RALGAPA2: variants seen among roughly 807,000 people sequenced by gnomAD.
RALGAPA2 encodes the protein Ral GTPase activating protein catalytic subunit alpha 2.
A neutral mutation model predicts 230.4 loss-of-function variants in RALGAPA2; 139 were observed. The ratio of observed to expected loss-of-function variants is 0.60; its 90% CI spans 0.53 to 0.69. The LOEUF (loss-of-function observed/expected upper bound fraction) is 0.69. Ranked by LOEUF, RALGAPA2 falls within the 30% of genes least tolerant of loss-of-function variation. The pLI, the probability that RALGAPA2 is intolerant of heterozygous loss-of-function variation, is 0.00. For missense variants in RALGAPA2, 2,163 were observed against 2,276.0 expected (o/e 0.95, Z 1.01); for synonymous variants, 847 against 837.8 (o/e 1.01, Z -0.19).
intron 24 of RALGAPA2, among the ~76,000 whole-genome samples, chr20:20,537,262 G>A (rs1310134233): frequency 6.6e-6 from 1 of 152,108 alleles, no homozygotes; most frequent in Non-Finnish European, 1.5e-5. Flanking sequence ...AATATAATGA[G>A]ATACTATATC....
intron 37 of RALGAPA2, among the ~76,000 whole-genome samples, chr20:20,449,254 C>T (rs1287621923): frequency 6.6e-6 from 1 of 152,200 alleles, no homozygotes; most frequent in African/African-American, 2.4e-5. Context: ...AGAAGACCAA[C>T]ATGCATGGAA....
chr20:20,412,556 A>G (rs1214847523), intron 37 of RALGAPA2, among the ~76,000 whole-genome samples: 1 of 152,216 alleles, frequency 6.6e-6, no homozygotes, highest in Non-Finnish European at 1.5e-5. Flanking sequence ...TGATACTTCA[A>G]GCAACTTGGT....
At chr20:20,707,149 T>A (rs1468451019) in intron 1 of RALGAPA2, among the ~76,000 whole-genome samples, 1 of 152,126 alleles carries the variant, frequency 6.6e-6, no homozygotes, top group African/African-American at 2.4e-5. Flanking sequence ...ACTCCTATTA[T>A]CCCAAATACC....
At chr20:20,538,317 A>G (rs553936133) in intron 24 of RALGAPA2, among the ~76,000 whole-genome samples, 24 of 152,220 alleles carry the variant, frequency 1.6e-4, no homozygotes, top group Non-Finnish European at 3.1e-4. Flanking sequence ...AACTACTGCT[A>G]AGGGCCACAG....
intron 32 of RALGAPA2, among the ~76,000 whole-genome samples, chr20:20,512,120 G>A (rs142967534): frequency 0.027 from 4,136 of 151,890 alleles, 136 homozygotes; most frequent in East Asian, 0.17. Context: ...CCCAGGAGGC[G>A]GAGGTTGCCG....
chr20:20,498,245 T>A (rs1292404506), intron 35 of RALGAPA2, among the ~76,000 whole-genome samples: 1 of 152,054 alleles, frequency 6.6e-6, no homozygotes, highest in Admixed American at 6.6e-5. Flanking sequence ...GAATGATGAG[T>A]CTCCTTCTGG....
intron 24 of RALGAPA2, among the ~76,000 whole-genome samples, chr20:20,537,818 T>G (rs1280426146): frequency 6.6e-6 from 1 of 152,184 alleles, no homozygotes; most frequent in Non-Finnish European, 1.5e-5. Context: ...CTAGGCACTC[T>G]TCTAAGTGCT....
chr20:20,478,892 A>G (rs2061711241), intron 36 of RALGAPA2, among the ~76,000 whole-genome samples: 1 of 152,174 alleles, frequency 6.6e-6, no homozygotes, highest in Non-Finnish European at 1.5e-5. Context: ...TTCTTTGAAA[A>G]AAGTCTAATA....
chr20:20,679,052 C>T (rs1261344390), intron 2 of RALGAPA2, among the ~76,000 whole-genome samples: 1 of 152,038 alleles, frequency 6.6e-6, no homozygotes, highest in Non-Finnish European at 1.5e-5. Flanking sequence ...CTGACCATCA[C>T]TCTCTTTCTC....
chr20:20,423,558 G>A (rs1290484542), intron 37 of RALGAPA2, among the ~76,000 whole-genome samples: 1 of 152,188 alleles, frequency 6.6e-6, no homozygotes, highest in Non-Finnish European at 1.5e-5. Flanking sequence ...ATGCTCCACA[G>A]GTGGGCTCAG....
chr20:20,653,613 T>G, intron 3 of RALGAPA2, 26 bp from the exon 4 acceptor site: 1 of 1,312,102 alleles, frequency 7.6e-7, no homozygotes, highest in Non-Finnish European at 1.1e-6. Context: ...ATAAAGAAAA[T>G]AAACAACAAA....
chr20:20,493,898 A>G (rs1213597631), intron 36 of RALGAPA2, among the ~76,000 whole-genome samples: 2 of 152,200 alleles, frequency 1.3e-5, no homozygotes, highest in African/African-American at 2.4e-5. Context: ...CGTTCCCTCA[A>G]TAGAAAAGAG....
intron 38 of RALGAPA2, among the ~76,000 whole-genome samples, chr20:20,409,718 G>A (rs1402416490): frequency 2.0e-5 from 3 of 152,216 alleles, no homozygotes; most frequent in African/African-American, 7.2e-5. Context: ...TTCCTCAAAA[G>A]CGAAGCCAGT....
chr20:20,600,211 G>A (rs566734048), intron 16 of RALGAPA2, among the ~76,000 whole-genome samples: 5 of 152,188 alleles, frequency 3.3e-5, no homozygotes, highest in Admixed American at 6.5e-5. Context: ...CAGGAGAATC[G>A]CTTGAACCTG....
At chr20:20,699,504 A>G (rs2069255898) in intron 1 of RALGAPA2, among the ~76,000 whole-genome samples, 1 of 152,230 alleles carries the variant, frequency 6.6e-6, no homozygotes, top group African/African-American at 2.4e-5. Flanking sequence ...CCAGACAGAA[A>G]TAAAACACGG....
chr20:20,505,566 T>A, intron 33 of RALGAPA2, 32 bp from the exon 34 acceptor site: 1 of 1,501,018 alleles, frequency 6.7e-7, no homozygotes, highest in African/African-American at 1.4e-5. Context: ...GGAGTTAGAA[T>A]TCTTATATGT....
rs577253921 is a variant in RALGAPA2 at position 20,572,849 on chromosome 20, A to C, written c.2901+26T>G. The C allele has an allele frequency of 4.1e-6, 6 of 1,454,516 alleles. No homozygotes were observed. The South Asian group carries it at 8.2e-5, about 20-fold the overall frequency. 90.1% of individuals were successfully genotyped at this position (1,454,516 alleles called of 1,614,324 possible). ...GATAAGACCATTTTCCTGGATTAGA[A>C]TAAAAAGTAACATAGCAGAACTTAC... On this transcript the variant is annotated intron_variant, in intron 21 of 39. Coordinates refer to ENST00000202677, the MANE Select transcript of RALGAPA2 (RefSeq NM_020343.4).
chr20:20,511,365 C>A (rs754515793), intron 32 of RALGAPA2, 40 bp from the exon 33 acceptor site: 1 of 1,526,972 alleles, frequency 6.5e-7, no homozygotes, highest in Non-Finnish European at 8.8e-7. Flanking sequence ...CATGTGATTA[C>A]AGAACCATTT....
At chr20:20,590,227 G>C (rs6082061) in intron 17 of RALGAPA2, among the ~76,000 whole-genome samples, 8,681 of 151,770 alleles carry the variant, frequency 0.057, 386 homozygotes, top group African/African-American at 0.12. Flanking sequence ...TCCTCCATAA[G>C]TGAAATTATG....
Sources: gnomAD v4.1 joint callset for allele counts (sites outside exome capture counted in the v4.1 genomes callset) on GRCh38, gnomAD v4.1.1 for gene constraint, MANE v1.5 for transcripts, NCBI Gene and HGNC (gene_info 2026-07-23, HGNC 2026-07-21) for gene names.